TUSC3: variants seen among roughly 807,000 people sequenced by gnomAD.
The protein encoded by TUSC3 is tumor suppressor candidate 3.
In TUSC3, 45 loss-of-function variants were observed where a neutral mutation model predicts 44.8. The observed-to-expected ratio is 1.00, with a 90% CI of 0.79 to 1.29. The LOEUF (loss-of-function observed/expected upper bound fraction) is 1.29, where lower values mean the gene tolerates loss of function less well. TUSC3 is among the 50% of genes most tolerant of loss of function. The pLI is 0.00. For missense variants in TUSC3, 519 were observed against 437.9 expected, an observed-to-expected ratio of 1.19 and a Z score of -1.65; for synonymous variants, 212 against 152.9, an observed-to-expected ratio of 1.39 and a Z score of -2.85.
the TUSC3 span, among the ~76,000 whole-genome samples, chr8:15,842,638 G>A: frequency 6.6e-6 from 1 of 152,106 alleles, no homozygotes; most frequent in African/African-American, 2.4e-5. Flanking sequence ...TTGCAATTAC[G>A]AACCTCAGAG....
At chr8:15,420,447 GAGAT>G (rs1346486343) in intron 1 of TUSC3, among the ~76,000 whole-genome samples, 10 of 151,854 alleles carry the variant, frequency 6.6e-5, no homozygotes, top group African/African-American at 2.4e-4. Context: ...ACAGTGAGCC[GAGAT>G]CATGCCACTG....
chr8:15,805,043 C>G, the TUSC3 span, among the ~76,000 whole-genome samples: 1 of 152,066 alleles, frequency 6.6e-6, no homozygotes, highest in Admixed American at 6.6e-5. Context: ...AAATCTTTCA[C>G]TTCCTCGGTT....
chr8:15,545,151 A>G (rs529711406), intron 1 of TUSC3, among the ~76,000 whole-genome samples: 3 of 151,876 alleles, frequency 2.0e-5, no homozygotes, highest in South Asian at 2.1e-4. Flanking sequence ...AGGCTGAGTT[A>G]TAACTGGACC....
chr8:15,821,642 C>A, the TUSC3 span, among the ~76,000 whole-genome samples: 1 of 151,614 alleles, frequency 6.6e-6, no homozygotes, highest in Non-Finnish European at 1.5e-5. Flanking sequence ...TGACTAAAAC[C>A]TCTCATTGAG....
At chr8:15,667,836 T>C (rs532279601) in intron 5 of TUSC3, among the ~76,000 whole-genome samples, 1 of 151,928 alleles carries the variant, frequency 6.6e-6, no homozygotes, top group East Asian at 1.9e-4. Flanking sequence ...TTGTATAGAA[T>C]AGTTAAAAGC....
chr8:15,734,485 A>G (rs1810852141), intron 7 of TUSC3, among the ~76,000 whole-genome samples: 1 of 152,210 alleles, frequency 6.6e-6, no homozygotes, highest in Non-Finnish European at 1.5e-5. Flanking sequence ...TGGAATATAA[A>G]CCATCTAAAA....
At chr8:15,777,314 G>A in the TUSC3 span, among the ~76,000 whole-genome samples, 1 of 152,140 alleles carries the variant, frequency 6.6e-6, no homozygotes, top group South Asian at 2.1e-4. Flanking sequence ...TCCCAAAGCT[G>A]AAGGAAAAGA....
intron 3 of TUSC3, among the ~76,000 whole-genome samples, chr8:15,654,038 G>C (rs1344461951): frequency 6.6e-6 from 1 of 152,166 alleles, no homozygotes; most frequent in Non-Finnish European, 1.5e-5. Context: ...TCTCATCCAG[G>C]AAACAGGTCT....
chr8:15,807,417 G>T, the TUSC3 span: 1 of 223,010 alleles, frequency 4.5e-6, no homozygotes, highest in Non-Finnish European at 8.7e-6. Context: ...TGGTGGGAAT[G>T]TAAATGGATT....
At chr8:15,694,798 G>A (rs1045762237) in intron 6 of TUSC3, among the ~76,000 whole-genome samples, 1 of 152,086 alleles carries the variant, frequency 6.6e-6, no homozygotes, top group Non-Finnish European at 1.5e-5. Flanking sequence ...ATTACTGGAG[G>A]GGGTGAGTTG....
chr8:15,607,791 G>C (rs989746150), intron 1 of TUSC3, among the ~76,000 whole-genome samples: 3 of 152,026 alleles, frequency 2.0e-5, no homozygotes, highest in Non-Finnish European at 2.9e-5. Context: ...CTGTGTTTCA[G>C]TTAAATCTGT....
intron 1 of TUSC3, among the ~76,000 whole-genome samples, chr8:15,423,986 T>TTG (rs1563247235): frequency 7.2e-5 from 8 of 110,796 alleles, no homozygotes; most frequent in East Asian, 5.7e-4. Context: ...TTTTTTTTTT[T>TTG]TTTTTTTTTT....
At chr8:15,631,497 C>G (rs1184706093) in intron 2 of TUSC3, among the ~76,000 whole-genome samples, 1 of 152,106 alleles carries the variant, frequency 6.6e-6, no homozygotes, top group African/African-American at 2.4e-5. Flanking sequence ...CTGTGCTACC[C>G]TTTACCAAAA....
At chr8:15,740,657 A>G (rs1811153730) in intron 7 of TUSC3, among the ~76,000 whole-genome samples, 1 of 152,210 alleles carries the variant, frequency 6.6e-6, no homozygotes, top group African/African-American at 2.4e-5. Context: ...ATAATTGGGT[A>G]GTATTGTGTT....
At chr8:15,578,838 G>T (rs1250771651) in intron 1 of TUSC3, among the ~76,000 whole-genome samples, 1 of 152,094 alleles carries the variant, frequency 6.6e-6, no homozygotes, top group Non-Finnish European at 1.5e-5. Context: ...CATAAAATGA[G>T]TTAGGGAGGA....
intron 2 of TUSC3, among the ~76,000 whole-genome samples, chr8:15,638,811 C>A (rs969056487): frequency 6.6e-6 from 1 of 152,166 alleles, no homozygotes; most frequent in Admixed American, 6.5e-5. Context: ...CAGGCTTGAG[C>A]CACTGTACCT....
At chr8:15,525,749 G>A (rs568565738) in intron 2 of TUSC3, among the ~76,000 whole-genome samples, 127 of 152,238 alleles carry the variant, frequency 8.3e-4, no homozygotes, top group African/African-American at 2.8e-3. Flanking sequence ...TAAAGGGGAT[G>A]TTAGCAATGT....
intron 5 of TUSC3, among the ~76,000 whole-genome samples, chr8:15,663,045 G>A (rs1585205626): frequency 6.6e-6 from 1 of 151,868 alleles, no homozygotes; most frequent in Admixed American, 6.6e-5. Context: ...TGACAGTAGA[G>A]TTCAGCAGTT....
chr8:15,584,723 G>A lies in TUSC3; in HGVS notation c.139-38357G>A, dbSNP rs181270201. Reference sequence around the variant, plus strand: ...TGGGTGGGGGTGGTGAAGGAGGAGGGTGAATGGAAAATCCCAGGTAGTGAG... The same window carrying A: ...TGGGTGGGGGTGGTGAAGGAGGAGGATGAATGGAAAATCCCAGGTAGTGAG... On this transcript the variant is annotated intron_variant, in intron 1 of 10. Transcript: ENST00000503731. Among the ~76,000 whole-genome samples, 146 of 152,154 alleles carry A rather than the reference G, an allele frequency of 9.6e-4. 2 individuals are homozygous for A. Among genetic ancestry groups the A allele is most frequent in the African/African-American group, 3.4e-3 (141 of 41,532 alleles).
Sources: gnomAD v4.1 joint callset for allele counts (sites outside exome capture counted in the v4.1 genomes callset) on GRCh38, gnomAD v4.1.1 for gene constraint, MANE v1.5 for transcripts, NCBI Gene and HGNC (gene_info 2026-07-23, HGNC 2026-07-21) for gene names.